Variants in SELENON observed in about 807,000 individuals in gnomAD.
The protein encoded by SELENON is selenoprotein N.
A neutral mutation model predicts 59.5 loss-of-function variants in SELENON; 44 were observed. The observed-to-expected ratio is 0.74, with a 90% CI of 0.58 to 0.95. The LOEUF (loss-of-function observed/expected upper bound fraction) is 0.95, where lower values mean the gene tolerates loss of function less well. SELENON is among the 40% of genes least tolerant of loss of function. The probability of loss-of-function intolerance (pLI) is 0.00; values close to 1 mark genes in which losing one functional copy is unlikely to be tolerated. For missense variants in SELENON, 674 were observed against 721.4 expected (o/e 0.93, Z 0.75); for synonymous variants, 320 against 305.6 (o/e 1.05, Z -0.49).
intron 4 of SELENON, among the ~76,000 whole-genome samples, chr1:25,806,122 C>A (rs1040777764): frequency 1.3e-5 from 2 of 152,232 alleles, no homozygotes; most frequent in African/African-American, 2.4e-5. Context: ...AATGCCACTT[C>A]AGCACGAACA....
chr1:25,805,295 C>G lies in SELENON; in HGVS notation c.537+20C>G. ...CTAGGGGTGAGTTGGGGACCACAGG[C>G]AGTGGGGTCATCTGTGTGTATCCCG... On this transcript the variant is annotated intron_variant, in intron 4 of 12. Transcript: ENST00000361547. 1.2e-6 allele frequency: 2 copies of G among 1,613,844 alleles called. No individual in the cohort carries two copies. Among genetic ancestry groups the G allele is most frequent in the Non-Finnish European group, 1.7e-6 (2 of 1,179,974 alleles).
At position 25,811,865 on chromosome 1, in the gene SELENON, T is replaced by G; in HGVS notation, c.1267T>G (p.Tyr423Asp). 6.4e-7 allele frequency: 1 copy of G among 1,566,562 alleles called. No homozygotes were observed. ...TGCCCGGCGCCTGGAGGTGGCCATG[T>G]ACCCCTTCAAGAAGGTGAGGCTGGG... The change falls in exon 9 of 13, where the codon TAC becomes GAC. Residue 423 changes from tyrosine to aspartate, a missense_variant. Tyr to Asp is a radical substitution (Grantham distance 160). Coordinates refer to ENST00000361547, the MANE Select transcript of SELENON (RefSeq NM_020451.3).
Position 25,815,842 on chromosome 1 carries a change from A to G in SELENON, c.*124A>G, listed in dbSNP as rs2124457192. 9.9e-7 allele frequency: 1 copy of G among 1,010,966 alleles called. No homozygotes were observed. The highest frequency in any genetic ancestry group is 1.5e-5 in the South Asian group (1 of 67,264). 62.6% of individuals were successfully genotyped at this position (1,010,966 alleles called of 1,614,324 possible). ...CTCCTAGGCTGCCTTGGAGGGTACA[A>G]GATCCACTGAGGGTGGCCACCACAG... On this transcript the variant is annotated 3_prime_UTR_variant, in exon 13 of 13. Transcript: ENST00000361547.
chr1:25,805,534 T>C (rs1028051580), intron 4 of SELENON, among the ~76,000 whole-genome samples: 2 of 151,036 alleles, frequency 1.3e-5, no homozygotes, highest in Non-Finnish European at 2.9e-5. Context: ...GACTGCAGGA[T>C]GAGGAGGGCT....
rs752741591 is a variant in SELENON at position 25,813,956 on chromosome 1, G to A, written c.1463G>A (p.Ser488Asn). 2.2e-5 allele frequency: 35 copies of A among 1,614,072 alleles called. No homozygotes were observed. Among genetic ancestry groups the A allele is most frequent in the Non-Finnish European group, 3.4e-6 (4 of 1,180,034 alleles). ...ACCCTGCTCAACGAGAGCTTCATCA[G>A]CACCTGGTCCCTGGTGAAGGAGCTG... Residue 488 changes from serine to asparagine, a missense_variant, in exon 11 of 13, where the codon AGC (serine) becomes AAC (asparagine). Coordinates refer to ENST00000361547, the MANE Select transcript of SELENON (RefSeq NM_020451.3).
In SELENON at chr1:25,807,277, G is replaced by A. The variant is rs189761480; in HGVS notation, c.538-1303G>A. 2.6e-5 allele frequency among the ~76,000 whole-genome samples: 4 copies of A among 152,290 alleles called. No individual in the cohort carries two copies. The highest frequency in any genetic ancestry group is 2.0e-4 in the Admixed American group (3 of 15,306). ...CCACTATAAGCTCCAAGAAGACAGGGTGCACAGTGTACCCTGATAGAAACT... is the reference window on the plus strand; with the variant it reads ...CCACTATAAGCTCCAAGAAGACAGGATGCACAGTGTACCCTGATAGAAACT... On this transcript the variant is annotated intron_variant, in intron 4 of 12. Coordinates refer to ENST00000361547, the MANE Select transcript of SELENON (RefSeq NM_020451.3). This position sits in a 1 kb window ranked among gnomAD's most constrained non-coding sequence, Gnocchi z 4.5.
At position 25,808,717 on chromosome 1, in the gene SELENON, C is replaced by T. The variant is rs757547235; in HGVS notation, c.675C>T (p.Pro225=). 16 of 1,614,028 alleles carry T rather than the reference C, an allele frequency of 9.9e-6. No homozygotes were observed. The highest frequency in any genetic ancestry group is 8.8e-5 in the South Asian group (8 of 91,092). The change falls in exon 5 of 13, where the codon CCC becomes CCT. Residue 225 remains proline (P), a synonymous_variant. Coordinates refer to ENST00000361547, the MANE Select transcript of SELENON (RefSeq NM_020451.3). The stretch of plus-strand genomic sequence containing the variant: ...TGGGTGAGCCCTGGTGGATCATCCC[C>T]AGTGAGCTGAGCATGTTCACTGGCT...
At chr1:25,801,683 C>CA (rs200298774) in intron 2 of SELENON, among the ~76,000 whole-genome samples, 1,395 of 105,390 alleles carry the variant, frequency 0.013, 23 homozygotes, top group African/African-American at 0.04. Context: ...AAAGCAAAAC[C>CA]AAAAAAACAA....
chr1:25,817,086 A>G lies in SELENON; in HGVS notation c.*1368A>G, dbSNP rs1169952349. 8.4e-6 allele frequency: 1 copy of G among 119,366 alleles called. No homozygotes were observed. Among genetic ancestry groups the G allele is most frequent in the African/African-American group, 3.3e-5 (1 of 30,006 alleles). The allele number at this position is 119,366 out of a possible 1,614,324, so 7.4% of individuals were successfully genotyped here. On this transcript the variant is annotated 3_prime_UTR_variant, in exon 13 of 13. Transcript: ENST00000361547. ...CACCCCCTCACCCCACCCGGGGCTC[A>G]CTCAGCCTGGCAGAGGAAGAAGGAA...
In SELENON at chr1:25,818,118, CT is replaced by C. The variant is rs1258346036; in HGVS notation, c.*2401del. The C allele has an allele frequency of 6.6e-6, 1 of 152,450 alleles. No individual in the cohort carries two copies. The highest frequency in any genetic ancestry group is 1.5e-5 in the Non-Finnish European group (1 of 68,224). The allele number at this position is 152,450 out of a possible 1,614,324, so 9.4% of individuals were successfully genotyped here. A position where few individuals can be genotyped will look rare whatever the true frequency, so the allele number is the denominator to read the frequency against. ...CTGCAGTTCATGTCCCCCACCAGGCCTCGAGGCTCAGGGTGGGAGAGGGCCC... is the reference window on the plus strand; with the variant it reads ...CTGCAGTTCATGTCCCCCACCAGGCCCGAGGCTCAGGGTGGGAGAGGGCCC... On this transcript the variant is annotated 3_prime_UTR_variant, in exon 13 of 13. Transcript: ENST00000361547.
At chr1:25,814,288 C>T in intron 12 of SELENON, 110 bp downstream of exon 11, 1 of 815,132 alleles carries the variant, frequency 1.2e-6, no homozygotes, top group African/African-American at 1.7e-5. Context: ...ACTGTCCCTG[C>T]CACTTCCTGG....
At chr1:25,809,287 T>A in intron 6 of SELENON, 137 bp downstream of exon 5, 2 of 1,330,382 alleles carry the variant, frequency 1.5e-6, no homozygotes, top group Non-Finnish European at 1.0e-6. Context: ...TTTGGCTCTC[T>A]GAGCCTCAGT....
At position 25,808,613 on chromosome 1, in the gene SELENON, T is replaced by C; in HGVS notation, c.571T>C (p.Trp191Arg). The change falls in exon 5 of 13, where the codon TGG (tryptophan) becomes CGG (arginine). Residue 191 changes from tryptophan to arginine, a missense_variant. Trp to Arg is a moderately radical substitution (Grantham distance 101, BLOSUM62 -3). Coordinates refer to ENST00000361547, the MANE Select transcript of SELENON (RefSeq NM_020451.3). ...CCTCGCCCTGTCCGGCCTCCGAAACTGGACAGCCGCCGCCTCACCAAGTGC... is the reference window on the plus strand; with the variant it reads ...CCTCGCCCTGTCCGGCCTCCGAAACCGGACAGCCGCCGCCTCACCAAGTGC... 6.2e-7 allele frequency: 1 copy of C among 1,613,582 alleles called. No individual in the cohort carries two copies. Among genetic ancestry groups the C allele is most frequent in the Non-Finnish European group, 8.5e-7 (1 of 1,179,882 alleles).
intron 9 of SELENON, among the ~76,000 whole-genome samples, 187 bp downstream of exon 8, chr1:25,812,066 G>C (rs1465694250): frequency 1.3e-5 from 2 of 152,256 alleles, no homozygotes; most frequent in Non-Finnish European, 1.5e-5. Flanking sequence ...GAAGAGGCCA[G>C]GTGCAATGGC....
chr1:25,810,506 G>C (rs1447473036), intron 7 of SELENON, among the ~76,000 whole-genome samples: 1 of 152,204 alleles, frequency 6.6e-6, no homozygotes, highest in Non-Finnish European at 1.5e-5. Flanking sequence ...GACCTGGCTG[G>C]GAGCCAGGAG....
chr1:25,815,464 C>T, intron 12 of SELENON, 84 bp from the exon 12 acceptor site: 1 of 1,197,076 alleles, frequency 8.4e-7, no homozygotes, highest in South Asian at 1.3e-5. Context: ...TGATAGCATC[C>T]CTGCTTCTCC....
rs1420418572 is a variant in SELENON, at chr1:25,809,275, G to A, written c.872+125G>A. 7 of 1,444,462 alleles carry A rather than the reference G, an allele frequency of 4.8e-6. No individual in the cohort carries two copies. In the African/African-American group the frequency reaches 7.0e-5, roughly 14 times the overall value. The allele number at this position is 1,444,462 out of a possible 1,614,324, so 89.5% of individuals were successfully genotyped here. On this transcript the variant is annotated intron_variant, in intron 6 of 12. Transcript: ENST00000361547. ...CTCCCACTGCCGTCTTGGGCAAGCA[G>A]CTTTGGCTCTCTGAGCCTCAGTTTT...
chr1:25,812,779 C>T lies in SELENON; in HGVS notation c.1374C>T (p.Asp458=), dbSNP rs2047977737. 6.2e-7 allele frequency: 1 copy of T among 1,612,768 alleles called. No individual in the cohort carries two copies. The highest frequency in any genetic ancestry group is 1.1e-5 in the South Asian group (1 of 90,786). ...TCCTGCTGTGGGGGGCCCTGGATGA[C>T]CAGTCCTGCTGAGGTGAGGGGCCCG... Residue 458 remains aspartate (D), a synonymous_variant, in exon 10 of 13, where the codon GAC becomes GAT. Coordinates refer to ENST00000361547, the MANE Select transcript of SELENON (RefSeq NM_020451.3).
intron 4 of SELENON, among the ~76,000 whole-genome samples, chr1:25,806,819 CTTTT>C (rs889213068): frequency 2.4e-5 from 3 of 126,948 alleles, no homozygotes; most frequent in Non-Finnish European, 1.7e-5. Context: ...GAGCCCCTTT[CTTTT>C]TTTTTTTTTT....
Sources: allele counts gnomAD v4.1 joint callset (sites outside exome capture counted in the v4.1 genomes callset), GRCh38; gene constraint gnomAD v4.1.1; non-coding constraint Gnocchi (gnomAD v3.1); transcripts MANE v1.5; gene names NCBI Gene and HGNC (gene_info 2026-07-23, HGNC 2026-07-21).